The following WDFY1 variants were observed in gnomAD, a reference collection of about 807,000 sequenced individuals.
WDFY1 encodes WD repeat and FYVE domain-containing protein 1.
WDFY1 carries 32 observed loss-of-function variants against 56.4 expected under a neutral mutation model. The ratio of observed to expected loss-of-function variants is 0.57; its 90% CI spans 0.43 to 0.76. The LOEUF (loss-of-function observed/expected upper bound fraction) is 0.76, where lower values mean the gene tolerates loss of function less well. Ranked by LOEUF, WDFY1 falls within the 30% of genes least tolerant of loss-of-function variation. The pLI is 0.00. For synonymous variants in WDFY1, 192 were observed against 197.3 expected, an observed-to-expected ratio of 0.97 and a Z score of 0.23; for missense variants, 480 against 545.7, an observed-to-expected ratio of 0.88 and a Z score of 1.20.
At chr2:223,909,508 G>A (rs1473095069) in intron 3 of WDFY1, among the ~76,000 whole-genome samples, 8 of 151,966 alleles carry the variant, frequency 5.3e-5, no homozygotes, top group South Asian at 2.1e-4. Flanking sequence ...AGACCTCTCC[G>A]GGACTCGTTT....
chr2:223,906,351 A>G (rs1693598239), intron 3 of WDFY1, among the ~76,000 whole-genome samples: 1 of 152,180 alleles, frequency 6.6e-6, no homozygotes, highest in Non-Finnish European at 1.5e-5. Flanking sequence ...TGCATATTAA[A>G]GCAAAACTGC....
At chr2:223,924,470 T>C (rs1693947042) in intron 1 of WDFY1, among the ~76,000 whole-genome samples, 1 of 152,160 alleles carries the variant, frequency 6.6e-6, no homozygotes, top group Admixed American at 6.5e-5. Context: ...TTCAAGCGAT[T>C]CTCATGCCTC....
chr2:223,937,541 C>T (rs541507069), intron 1 of WDFY1, among the ~76,000 whole-genome samples: 1 of 152,224 alleles, frequency 6.6e-6, no homozygotes, highest in African/African-American at 2.4e-5. Flanking sequence ...AAAGCAGGTA[C>T]AAAACGGACT....
chr2:223,884,859 C>CTTCTTCT (rs60759568), intron 8 of WDFY1, 110 bp from the exon 9 acceptor site: 27 of 689,658 alleles, frequency 3.9e-5, no homozygotes, highest in Non-Finnish European at 5.2e-5. Context: ...TTCTTTTCTT[C>CTTCTTCT]TTTTTTTTTT....
At chr2:223,923,964 C>T (rs1483445316) in intron 1 of WDFY1, among the ~76,000 whole-genome samples, 2 of 152,146 alleles carry the variant, frequency 1.3e-5, no homozygotes, top group Admixed American at 1.3e-4. Context: ...TTTCCTGCTG[C>T]TTATTCTGCC....
chr2:223,945,278 C>T lies in WDFY1; in HGVS notation c.7G>A (p.Ala3Thr), dbSNP rs769282569. The T allele has an allele frequency of 1.3e-6, 2 of 1,573,736 alleles. No individual in the cohort carries two copies. The highest frequency in any genetic ancestry group is 3.5e-5 in the Admixed American group (2 of 57,114). Residue 3 changes from alanine (A) to threonine (T), a missense_variant, in exon 1 of 12, where the codon GCC becomes ACC. Coordinates refer to ENST00000233055, the MANE Select transcript of WDFY1 (RefSeq NM_020830.5). MA[A>T]EIHSRPQSSR... ...CTCTGCGGCCTGGAGTGGATTTCGG[C>T]CGCCATGTTCGCGCGGCGACTGCTG...
intron 1 of WDFY1, among the ~76,000 whole-genome samples, chr2:223,938,239 C>A (rs1689234907): frequency 1.3e-5 from 2 of 152,164 alleles, no homozygotes; most frequent in South Asian, 4.1e-4. Flanking sequence ...GTACGTCCAT[C>A]CACAAACTCT....
chr2:223,889,201 G>A (rs779574752), intron 8 of WDFY1, among the ~76,000 whole-genome samples: 3 of 152,112 alleles, frequency 2.0e-5, no homozygotes, highest in African/African-American at 7.2e-5. Flanking sequence ...ACGGTGTCTG[G>A]CCTCTCAATT....
intron 1 of WDFY1, among the ~76,000 whole-genome samples, chr2:223,931,018 T>C (rs149016201): frequency 1.8e-3 from 275 of 152,340 alleles, no homozygotes; most frequent in African/African-American, 6.3e-3. Context: ...AGGTAGTTTG[T>C]TATGTAGCAC....
rs571240662 is a variant in WDFY1, at chr2:223,880,085, A to G, written c.1173+39T>C. ...CACATTCACAGCATGGTAATAGGCA[A>G]TCTCAACTGAGATGCTGACAGACAA... On this transcript the variant is annotated intron_variant, in intron 11 of 11. Transcript: ENST00000233055. 2.6e-6 allele frequency: 4 copies of G among 1,557,500 alleles called. No individual in the cohort carries two copies. In the South Asian group the frequency reaches 4.5e-5, roughly 17 times the overall value.
intron 2 of WDFY1, among the ~76,000 whole-genome samples, chr2:223,915,123 T>C (rs1693765751): frequency 6.6e-6 from 1 of 152,250 alleles, no homozygotes; most frequent in East Asian, 1.9e-4. Context: ...TTTCTCACAA[T>C]GCATTCACTC....
intron 1 of WDFY1, among the ~76,000 whole-genome samples, chr2:223,930,359 CG>C (rs1445830043): frequency 6.6e-6 from 1 of 152,132 alleles, no homozygotes; most frequent in Non-Finnish European, 1.5e-5. Flanking sequence ...AGACGGAGTC[CG>C]GTTCTGTCAC....
At chr2:223,918,261 G>C (rs900255552) in intron 1 of WDFY1, among the ~76,000 whole-genome samples, 1 of 151,898 alleles carries the variant, frequency 6.6e-6, no homozygotes, top group Admixed American at 6.6e-5. Flanking sequence ...ACTATATATA[G>C]TCACATAAAG....
chr2:223,938,974 T>C (rs1323339920), intron 1 of WDFY1, among the ~76,000 whole-genome samples: 1 of 151,416 alleles, frequency 6.6e-6, no homozygotes, highest in East Asian at 1.9e-4. Flanking sequence ...CCCGTCTCAG[T>C]CTCCCAAGTA....
chr2:223,880,344 T>C (rs746484748), intron 10 of WDFY1, 112 bp from the exon 11 acceptor site: 17 of 877,432 alleles, frequency 1.9e-5, no homozygotes, highest in African/African-American at 5.0e-5. Context: ...CAGTGGCTCA[T>C]GTCTGTACCC....
chr2:223,878,539 T>G lies in WDFY1; in HGVS notation c.*132A>C. 1 of 699,710 alleles carries G rather than the reference T, an allele frequency of 1.4e-6. No homozygotes were observed. Among genetic ancestry groups the G allele is most frequent in the Non-Finnish European group, 2.4e-6 (1 of 411,440 alleles). 43.3% of individuals were successfully genotyped at this position (699,710 alleles called of 1,614,324 possible). On this transcript the variant is annotated 3_prime_UTR_variant, in exon 12 of 12. Transcript: ENST00000233055. The stretch of plus-strand genomic sequence containing the variant: ...TGCCCCAAAACACACCTTTACATTT[T>G]CTTTTTAAAAATGTTGATTTGTTTG...
intron 1 of WDFY1, among the ~76,000 whole-genome samples, chr2:223,928,728 T>C (rs1322927479): frequency 6.6e-6 from 1 of 152,210 alleles, no homozygotes; most frequent in African/African-American, 2.4e-5. Context: ...ACTTTCCTTT[T>C]TTCCATAAGG....
chr2:223,896,111 G>C (rs951052961), intron 6 of WDFY1, among the ~76,000 whole-genome samples: 1 of 124,698 alleles, frequency 8.0e-6, no homozygotes, highest in East Asian at 2.6e-4. Flanking sequence ...AGCCAAGATA[G>C]CACCACTGCG....
chr2:223,917,636 C>G (rs1174444208), intron 2 of WDFY1, among the ~76,000 whole-genome samples: 1 of 151,960 alleles, frequency 6.6e-6, no homozygotes, highest in East Asian at 1.9e-4. Flanking sequence ...TGCGGTGGAG[C>G]AACCTTGACC....
Sources: allele counts gnomAD v4.1 joint callset (sites outside exome capture counted in the v4.1 genomes callset), GRCh38; gene constraint gnomAD v4.1.1; transcripts MANE v1.5; gene names NCBI Gene and HGNC (gene_info 2026-07-23, HGNC 2026-07-21).